CTNND2: variants seen among roughly 807,000 people sequenced by gnomAD.
The protein encoded by CTNND2 is catenin delta 2.
Under a neutral mutation model 144.4 loss-of-function variants are expected in CTNND2, and 22 were observed. That is an observed-to-expected ratio of 0.15 (90% CI 0.11 to 0.22). The LOEUF is 0.22. Ranked by LOEUF, CTNND2 falls within the 10% of genes least tolerant of loss-of-function variation. The pLI is 1.00. For synonymous variants in CTNND2, 751 were observed against 695.6 expected (o/e 1.08, Z -1.25); for missense variants, 1,353 against 1,618.8 (o/e 0.84, Z 2.82).
chr5:11,114,714 C>G (rs550535117), intron 13 of CTNND2, among the ~76,000 whole-genome samples: 1 of 152,292 alleles, frequency 6.6e-6, no homozygotes, highest in South Asian at 2.1e-4. Flanking sequence ...AGTCAACACA[C>G]TGGCCCAATT....
At chr5:11,074,334 C>T (rs1464192357) in intron 16 of CTNND2, among the ~76,000 whole-genome samples, 1 of 152,144 alleles carries the variant, frequency 6.6e-6, no homozygotes, top group Non-Finnish European at 1.5e-5. Flanking sequence ...TCAGTTTCGC[C>T]AGCAGACAGT....
chr5:11,212,037 G>A (rs1162187410), intron 10 of CTNND2, among the ~76,000 whole-genome samples: 1 of 152,096 alleles, frequency 6.6e-6, no homozygotes, highest in African/African-American at 2.4e-5. Flanking sequence ...TTACATGATG[G>A]AAAGTATTTT....
At chr5:11,452,883 T>A (rs959324040) in intron 3 of CTNND2, among the ~76,000 whole-genome samples, 1 of 152,244 alleles carries the variant, frequency 6.6e-6, no homozygotes, top group African/African-American at 2.4e-5. Flanking sequence ...TATATGTATA[T>A]GACACTGATC....
intron 15 of CTNND2, among the ~76,000 whole-genome samples, chr5:11,090,622 C>G (rs1463430156): frequency 6.6e-6 from 1 of 152,174 alleles, no homozygotes; most frequent in Non-Finnish European, 1.5e-5. Flanking sequence ...TGAGGTGGAA[C>G]AGTTTCATTC....
rs1737772928 is a variant in CTNND2, at chr5:11,900,512, T to G, written c.37+3305A>C. Among the ~76,000 whole-genome samples the G allele has an allele frequency of 2.0e-5, 3 of 152,348 alleles. No homozygotes were observed. The South Asian group carries it at 6.2e-4, about 32-fold the overall frequency. On this transcript the variant is annotated intron_variant, in intron 1 of 21. Transcript: ENST00000304623. ...CAGTAGGCTGGATTGGCAGACAATG[T>G]GATAGAAACTATTTATTGATGACAT...
At chr5:11,898,738 T>A (rs1211141234) in intron 1 of CTNND2, among the ~76,000 whole-genome samples, 1 of 152,226 alleles carries the variant, frequency 6.6e-6, no homozygotes, top group Non-Finnish European at 1.5e-5. Flanking sequence ...TCATAACATG[T>A]ATTTTGCTCT....
intron 10 of CTNND2, among the ~76,000 whole-genome samples, chr5:11,212,209 G>C (rs1202312711): frequency 6.6e-6 from 1 of 152,140 alleles, no homozygotes; most frequent in Non-Finnish European, 1.5e-5. Flanking sequence ...TATTTATTAA[G>C]CATTGGTCCA....
chr5:11,236,448 A>G (rs1207351913), intron 10 of CTNND2, among the ~76,000 whole-genome samples: 2 of 152,226 alleles, frequency 1.3e-5, no homozygotes, highest in Non-Finnish European at 2.9e-5. Flanking sequence ...TCCAGCCTCT[A>G]TTAATAACTA....
intron 3 of CTNND2, among the ~76,000 whole-genome samples, chr5:11,562,114 A>G (rs1408670559): frequency 1.3e-5 from 2 of 152,104 alleles, no homozygotes; most frequent in Non-Finnish European, 2.9e-5. Context: ...TTAAAGTCAG[A>G]GTAAAACTGA....
intron 16 of CTNND2, among the ~76,000 whole-genome samples, chr5:11,071,573 G>GA (rs34608744): frequency 0.37 from 54,427 of 146,406 alleles, 9,986 homozygotes; most frequent in Middle Eastern, 0.42. Flanking sequence ...TTCAAAAAAC[G>GA]AAAAAAAAAA....
intron 2 of CTNND2, among the ~76,000 whole-genome samples, chr5:11,591,799 C>T (rs143357643): frequency 6.6e-6 from 1 of 152,072 alleles, no homozygotes; most frequent in Admixed American, 6.5e-5. Flanking sequence ...TTGTTTCTTA[C>T]TTTTTATGGA....
At chr5:11,149,016 T>C (rs1244717913) in intron 12 of CTNND2, among the ~76,000 whole-genome samples, 1 of 152,218 alleles carries the variant, frequency 6.6e-6, no homozygotes, top group African/African-American at 2.4e-5. Context: ...GTAAAGTTCC[T>C]TTGTGTTCTA....
At chr5:11,207,220 A>G (rs1398179191) in intron 10 of CTNND2, among the ~76,000 whole-genome samples, 1 of 151,980 alleles carries the variant, frequency 6.6e-6, no homozygotes, top group East Asian at 1.9e-4. Flanking sequence ...GGAACATCAC[A>G]CACTGGGGCC....
intron 3 of CTNND2, among the ~76,000 whole-genome samples, chr5:11,470,009 A>G (rs181504063): frequency 3.4e-3 from 521 of 152,306 alleles, no homozygotes; most frequent in African/African-American, 0.012. Context: ...TAGAGGCTCC[A>G]AATATAATTG....
intron 3 of CTNND2, among the ~76,000 whole-genome samples, chr5:11,425,590 AT>A (rs1762712688): frequency 6.6e-6 from 1 of 152,176 alleles, no homozygotes; most frequent in Admixed American, 6.5e-5. Flanking sequence ...GTATAAAATC[AT>A]TTTAAAAGCC....
chr5:11,015,318 A>C (rs1440374319), intron 18 of CTNND2, among the ~76,000 whole-genome samples: 2 of 152,220 alleles, frequency 1.3e-5, no homozygotes, highest in Admixed American at 6.5e-5. Flanking sequence ...CACTTATGAC[A>C]CTGGGCACAA....
At chr5:11,671,167 C>T (rs1488970401) in intron 2 of CTNND2, among the ~76,000 whole-genome samples, 1 of 152,190 alleles carries the variant, frequency 6.6e-6, no homozygotes, top group Non-Finnish European at 1.5e-5. Flanking sequence ...ATGGGCATTC[C>T]TTTGTGGGTA....
intron 9 of CTNND2, among the ~76,000 whole-genome samples, chr5:11,249,776 G>C (rs1181883944): frequency 1.3e-5 from 2 of 150,384 alleles, no homozygotes; most frequent in Admixed American, 6.6e-5. Context: ...CGCTAGAATA[G>C]TACAAAAACA....
At chr5:11,283,389 G>A (rs2150000407) in intron 9 of CTNND2, among the ~76,000 whole-genome samples, 1 of 152,044 alleles carries the variant, frequency 6.6e-6, no homozygotes, top group Non-Finnish European at 1.5e-5. Context: ...AAAGAGGAGG[G>A]AATCGGCTGG....
Sources: gnomAD v4.1 joint callset for allele counts (sites outside exome capture counted in the v4.1 genomes callset) on GRCh38, gnomAD v4.1.1 for gene constraint, MANE v1.5 for transcripts, NCBI Gene and HGNC (gene_info 2026-07-23, HGNC 2026-07-21) for gene names.